The following LOC128125818 variants were observed in gnomAD, a reference collection of about 807,000 sequenced individuals.
the LOC128125818 span, chr4:6,069,964 C>T: frequency 2.5e-6 from 1 of 396,650 alleles, no homozygotes; most frequent in Non-Finnish European, 4.4e-6. The surrounding 1 kb of genome is among the most constrained non-coding windows in gnomAD (Gnocchi z 4.5). Flanking sequence ...TCATTTTCAA[C>T]AGAGCCACCT....
At chr4:6,069,933 A>G in the LOC128125818 span, 1 of 395,196 alleles carries the variant, frequency 2.5e-6, no homozygotes, top group Non-Finnish European at 4.5e-6. This position sits in a 1 kb window ranked among gnomAD's most constrained non-coding sequence, Gnocchi z 4.5. Flanking sequence ...TCTCTCAGCC[A>G]CCTGTCTTCT....
the LOC128125818 span, among the ~76,000 whole-genome samples, chr4:6,068,198 G>T: frequency 6.6e-6 from 1 of 152,180 alleles, no homozygotes; most frequent in African/African-American, 2.4e-5. Flanking sequence ...AGGACTGCTA[G>T]TTAAGGACTC....
chr4:6,066,020 G>A, the LOC128125818 span, among the ~76,000 whole-genome samples: 2 of 151,920 alleles, frequency 1.3e-5, no homozygotes, highest in South Asian at 4.2e-4. Context: ...AACAGCCCCC[G>A]ACAAGGATTT....
At chr4:6,065,098 G>A in the LOC128125818 span, 3 of 1,512,398 alleles carry the variant, frequency 2.0e-6, no homozygotes, top group Admixed American at 1.7e-5. The surrounding 1 kb of genome is among the most constrained non-coding windows in gnomAD (Gnocchi z 5.1). Context: ...GTGCAGGGGG[G>A]TGATGATTGA....
At chr4:6,065,199 C>T in the LOC128125818 span, among the ~76,000 whole-genome samples, 1 of 152,156 alleles carries the variant, frequency 6.6e-6, no homozygotes, top group Non-Finnish European at 1.5e-5. This position sits in a 1 kb window ranked among gnomAD's most constrained non-coding sequence, Gnocchi z 5.1. Flanking sequence ...GGCGGATGAC[C>T]CTAGGGTTTA....
chr4:6,066,526 T>C, the LOC128125818 span, among the ~76,000 whole-genome samples: 1 of 152,110 alleles, frequency 6.6e-6, no homozygotes, highest in Admixed American at 6.5e-5. Context: ...CTTTATGGCA[T>C]TGTGGAATCC....
the LOC128125818 span, among the ~76,000 whole-genome samples, chr4:6,066,542 G>A: frequency 6.6e-6 from 1 of 152,020 alleles, no homozygotes; most frequent in Non-Finnish European, 1.5e-5. Flanking sequence ...AATCCTAGCG[G>A]GCAGTGACTT....
chr4:6,069,588 A>G, the LOC128125818 span, among the ~76,000 whole-genome samples: 1 of 152,076 alleles, frequency 6.6e-6, no homozygotes. This position sits in a 1 kb window ranked among gnomAD's most constrained non-coding sequence, Gnocchi z 4.5. Context: ...ATCTCTACAA[A>G]AAGTTATTTA....
At chr4:6,067,822 G>A in the LOC128125818 span, among the ~76,000 whole-genome samples, 114 of 147,114 alleles carry the variant, frequency 7.7e-4, no homozygotes, top group Non-Finnish European at 1.1e-3. This position sits in a 1 kb window ranked among gnomAD's most constrained non-coding sequence, Gnocchi z 4.6. Context: ...TGAGCTCCAC[G>A]TTCACTCAAG....
the LOC128125818 span, among the ~76,000 whole-genome samples, chr4:6,065,910 A>G: frequency 6.6e-6 from 1 of 152,372 alleles, no homozygotes; most frequent in African/African-American, 2.4e-5. The surrounding 1 kb of genome is among the most constrained non-coding windows in gnomAD (Gnocchi z 5.1). Flanking sequence ...CCCTGCCCCA[A>G]GGAGCTTGCA....
At chr4:6,070,028 A>G in the LOC128125818 span, 1 of 398,632 alleles carries the variant, frequency 2.5e-6, no homozygotes, top group Non-Finnish European at 4.4e-6. Flanking sequence ...GAGAACCTCA[A>G]AACGCAAAAC....
chr4:6,065,098 G>T, the LOC128125818 span: 1 of 1,512,514 alleles, frequency 6.6e-7, no homozygotes, highest in South Asian at 1.2e-5. The surrounding 1 kb of genome is among the most constrained non-coding windows in gnomAD (Gnocchi z 5.1). Flanking sequence ...GTGCAGGGGG[G>T]TGATGATTGA....
chr4:6,065,350 G>A, the LOC128125818 span, among the ~76,000 whole-genome samples: 2 of 152,226 alleles, frequency 1.3e-5, no homozygotes, highest in Admixed American at 6.5e-5. This position sits in a 1 kb window ranked among gnomAD's most constrained non-coding sequence, Gnocchi z 5.1. Context: ...GAGCACAAAA[G>A]GGGGCCATGC....
At chr4:6,070,132 A>G in the LOC128125818 span, 1 of 398,912 alleles carries the variant, frequency 2.5e-6, no homozygotes, top group East Asian at 3.6e-5. Context: ...AGGAAGAAAG[A>G]GAAGTACAGC....
At chr4:6,067,613 C>A in the LOC128125818 span, among the ~76,000 whole-genome samples, 2 of 148,808 alleles carry the variant, frequency 1.3e-5, no homozygotes, top group African/African-American at 4.9e-5. The surrounding 1 kb of genome is among the most constrained non-coding windows in gnomAD (Gnocchi z 4.6). Context: ...AGGTCACCCC[C>A]CTGAGCTCCA....
the LOC128125818 span, chr4:6,065,109 C>T: frequency 7.0e-7 from 1 of 1,432,758 alleles, no homozygotes. The surrounding 1 kb of genome is among the most constrained non-coding windows in gnomAD (Gnocchi z 5.1). Context: ...TGATGATTGA[C>T]ATTTGGGCCA....
the LOC128125818 span, chr4:6,069,919 A>G: frequency 2.0e-5 from 8 of 395,692 alleles, no homozygotes; most frequent in Non-Finnish European, 2.7e-5. The surrounding 1 kb of genome is among the most constrained non-coding windows in gnomAD (Gnocchi z 4.5). Flanking sequence ...AACCAGATCC[A>G]GTCTCTCTCA....
chr4:6,067,625 G>C, the LOC128125818 span, among the ~76,000 whole-genome samples: 1 of 147,260 alleles, frequency 6.8e-6, no homozygotes, highest in Non-Finnish European at 1.5e-5. This position sits in a 1 kb window ranked among gnomAD's most constrained non-coding sequence, Gnocchi z 4.6. Context: ...TGAGCTCCAG[G>C]TTCACTCAAG....
chr4:6,067,642 T>G, the LOC128125818 span, among the ~76,000 whole-genome samples: 7 of 145,446 alleles, frequency 4.8e-5, no homozygotes, highest in Admixed American at 4.0e-4. The surrounding 1 kb of genome is among the most constrained non-coding windows in gnomAD (Gnocchi z 4.6). Flanking sequence ...CAAGCTCTTC[T>G]GCACACACAC....
Sources: allele counts gnomAD v4.1 joint callset (sites outside exome capture counted in the v4.1 genomes callset), GRCh38; gene constraint gnomAD v4.1.1; non-coding constraint Gnocchi (gnomAD v3.1); transcripts MANE v1.5.